Variants in SPIDR observed in about 807,000 individuals in gnomAD.
The protein encoded by SPIDR is DNA repair-scaffolding protein.
SPIDR carries 93 observed loss-of-function variants against 104.6 expected under a neutral mutation model. That is an observed-to-expected ratio of 0.89 (90% CI 0.75 to 1.06). The LOEUF (loss-of-function observed/expected upper bound fraction) is 1.06, where lower values mean the gene tolerates loss of function less well. Ranked by LOEUF, SPIDR falls within the 50% of genes least tolerant of loss-of-function variation. SPIDR has a pLI of 0.00. For synonymous variants in SPIDR, 431 were observed against 416.9 expected, an observed-to-expected ratio of 1.03 and a Z score of -0.41; for missense variants, 1,154 against 1,111.2, an observed-to-expected ratio of 1.04 and a Z score of -0.55.
At chr8:47,697,051 A>G (rs2079429971) in intron 11 of SPIDR, among the ~76,000 whole-genome samples, 1 of 152,112 alleles carries the variant, frequency 6.6e-6, no homozygotes, top group Non-Finnish European at 1.5e-5. Context: ...ATGAGATGTA[A>G]GTGATGTGGT....
At chr8:47,601,376 A>C (rs1290385907) in intron 10 of SPIDR, among the ~76,000 whole-genome samples, 1 of 152,162 alleles carries the variant, frequency 6.6e-6, no homozygotes, top group Admixed American at 6.5e-5. Context: ...CCCAGATGGC[A>C]TGGTTGTAGA....
At chr8:47,705,292 C>G (rs2080923040) in intron 14 of SPIDR, among the ~76,000 whole-genome samples, 1 of 152,206 alleles carries the variant, frequency 6.6e-6, no homozygotes, top group Non-Finnish European at 1.5e-5. Context: ...CAGGCTCCCA[C>G]CAGTGCCAAG....
intron 8 of SPIDR, among the ~76,000 whole-genome samples, chr8:47,493,038 A>T (rs137950730): frequency 4.9e-4 from 32 of 64,848 alleles, no homozygotes; most frequent in East Asian, 2.1e-3. Context: ...AGAGAGAGAG[A>T]GTGAGTGTGT....
In SPIDR at chr8:47,265,188, C is replaced by CTTTTTTT. The variant is rs397892978; in HGVS notation, c.33+4212_33+4218dup. Among the ~76,000 whole-genome samples, 11 of 108,994 alleles carry CTTTTTTT rather than the reference C, an allele frequency of 1.0e-4. 1 individual carries two copies. Among genetic ancestry groups the CTTTTTTT allele is most frequent in the African/African-American group, 3.8e-4 (10 of 26,358 alleles). The allele number at this position is 108,994 out of a possible 152,430, so 71.5% of individuals were successfully genotyped here. The stretch of plus-strand genomic sequence containing the variant: ...TACTTAGTATTGACATCTCAGTTGT[C>CTTTTTTT]TTTTTTTTTTTTTTTTTTTTTGAGA... On this transcript the variant is annotated intron_variant, in intron 1 of 19. Transcript: ENST00000297423.
chr8:47,484,947 AT>A (rs1554729844), intron 8 of SPIDR, among the ~76,000 whole-genome samples: 2 of 152,158 alleles, frequency 1.3e-5, no homozygotes, highest in Non-Finnish European at 2.9e-5. Context: ...TGATATCTGC[AT>A]TTCCAACTGA....
intron 7 of SPIDR, among the ~76,000 whole-genome samples, chr8:47,413,356 C>G (rs1449139172): frequency 2.0e-5 from 3 of 152,344 alleles, no homozygotes; most frequent in African/African-American, 7.2e-5. Context: ...GTGACTTGCT[C>G]TGATTATCTA....
chr8:47,639,562 G>T (rs896003411), intron 10 of SPIDR, among the ~76,000 whole-genome samples: 2 of 151,562 alleles, frequency 1.3e-5, no homozygotes, highest in East Asian at 3.8e-4. Flanking sequence ...TCACTTCCAC[G>T]TATCAAATAT....
chr8:47,453,002 G>A (rs964013158), intron 8 of SPIDR, among the ~76,000 whole-genome samples: 23 of 152,164 alleles, frequency 1.5e-4, no homozygotes, highest in Admixed American at 3.3e-4. Flanking sequence ...CTGATAAGCA[G>A]CTTCAGCAAA....
intron 8 of SPIDR, among the ~76,000 whole-genome samples, chr8:47,471,814 C>A (rs570298971): frequency 6.6e-6 from 1 of 152,250 alleles, no homozygotes; most frequent in African/African-American, 2.4e-5. Flanking sequence ...TTTTCTAACC[C>A]AAATTCATAC....
intron 10 of SPIDR, among the ~76,000 whole-genome samples, chr8:47,656,684 C>G (rs888107914): frequency 6.6e-6 from 1 of 152,096 alleles, no homozygotes; most frequent in Non-Finnish European, 1.5e-5. Flanking sequence ...GAATTGAAAA[C>G]GTATATCCAT....
chr8:47,544,700 T>G (rs1383436239), intron 8 of SPIDR, among the ~76,000 whole-genome samples: 1 of 152,238 alleles, frequency 6.6e-6, no homozygotes, highest in Non-Finnish European at 1.5e-5. Context: ...TGTGTGTGTT[T>G]CTTTGTACCA....
Position 47,660,621 on chromosome 8 carries a change from T to C in SPIDR, c.1545-13180T>C, listed in dbSNP as rs73569220. 6.0e-3 allele frequency: 3,361 copies of C among 563,654 alleles called. 108 individuals are homozygous for C. In the African/African-American group the frequency reaches 0.065, roughly 11 times the overall value. The allele number at this position is 563,654 out of a possible 1,614,324, so 34.9% of individuals were successfully genotyped here. ...GGTGGCTAGGGGCAGGGACCCGCTG[T>C]AGACATGGTATTCTAATGGTTATGT... On this transcript the variant is annotated intron_variant, in intron 10 of 19. Coordinates refer to ENST00000297423, the MANE Select transcript of SPIDR (RefSeq NM_001080394.4).
At chr8:47,405,304 G>GTA (rs2062586549) in intron 6 of SPIDR, among the ~76,000 whole-genome samples, 2 of 151,424 alleles carry the variant, frequency 1.3e-5, no homozygotes, top group South Asian at 4.2e-4. Context: ...GTGTGTGTGT[G>GTA]TGTGTGTGTG....
At chr8:47,652,346 G>C (rs1409189966) in intron 10 of SPIDR, among the ~76,000 whole-genome samples, 1 of 152,158 alleles carries the variant, frequency 6.6e-6, no homozygotes, top group Non-Finnish European at 1.5e-5. Context: ...GGTGAGCACT[G>C]CAAAGCAAAG....
chr8:47,685,420 C>T (rs932041651), intron 11 of SPIDR, among the ~76,000 whole-genome samples: 1 of 151,766 alleles, frequency 6.6e-6, no homozygotes, highest in Non-Finnish European at 1.5e-5. Flanking sequence ...CCACCCTACC[C>T]TTCACTGTCC....
At chr8:47,442,711 T>C (rs2154344488) in intron 8 of SPIDR, among the ~76,000 whole-genome samples, 1 of 152,350 alleles carries the variant, frequency 6.6e-6, no homozygotes, top group East Asian at 1.9e-4. Context: ...GAGTCTTTTA[T>C]TGTTATTATT....
intron 8 of SPIDR, among the ~76,000 whole-genome samples, chr8:47,513,806 A>G (rs2082717032): frequency 6.6e-6 from 1 of 152,220 alleles, no homozygotes; most frequent in Non-Finnish European, 1.5e-5. Flanking sequence ...CTATGTTAAT[A>G]GCTTTAAAAT....
intron 7 of SPIDR, among the ~76,000 whole-genome samples, chr8:47,415,155 G>C (rs527361532): frequency 3.9e-5 from 6 of 152,118 alleles, no homozygotes; most frequent in African/African-American, 1.4e-4. Flanking sequence ...CTCCCGCCTC[G>C]GCCTCCCAGA....
At chr8:47,380,734 T>C (rs2059236599) in intron 5 of SPIDR, among the ~76,000 whole-genome samples, 1 of 152,110 alleles carries the variant, frequency 6.6e-6, no homozygotes, top group Non-Finnish European at 1.5e-5. Context: ...GCCAGGTGGT[T>C]TTCAGAGGTG....
Sources: allele counts gnomAD v4.1 joint callset (sites outside exome capture counted in the v4.1 genomes callset), GRCh38; gene constraint gnomAD v4.1.1; transcripts MANE v1.5; gene names NCBI Gene and HGNC (gene_info 2026-07-23, HGNC 2026-07-21).